Variants in CDYL observed in about 807,000 individuals in gnomAD.
CDYL encodes chromodomain Y like, also known as chromodomain Y-like protein.
In CDYL, 8 loss-of-function variants were observed where a neutral mutation model predicts 47.3. The observed-to-expected ratio is 0.17, with a 90% CI of 0.10 to 0.31. CDYL has a LOEUF of 0.31. Among genes scored for constraint, CDYL ranks in the 10% least tolerant of loss-of-function variants. The pLI, the probability that CDYL is intolerant of heterozygous loss-of-function variation, is 1.00. For missense variants in CDYL, 471 were observed against 701.4 expected (o/e 0.67, Z 3.71); for synonymous variants, 266 against 265.0 (o/e 1.00, Z -0.04).
chr6:4,745,602 A>T (rs1163285186), intron 3 of CDYL, among the ~76,000 whole-genome samples: 1 of 151,994 alleles, frequency 6.6e-6, no homozygotes, highest in African/African-American at 2.4e-5. Flanking sequence ...TAAAAAAAAA[A>T]AGTTAAATAA....
intron 1 of CDYL, among the ~76,000 whole-genome samples, chr6:4,777,439 G>GT (rs1381689992): frequency 9.9e-5 from 15 of 152,284 alleles, no homozygotes; most frequent in African/African-American, 3.1e-4. Context: ...AGCCAGAACT[G>GT]TAAGTTCTGG....
intron 1 of CDYL, among the ~76,000 whole-genome samples, chr6:4,841,141 G>A (rs185211766): frequency 7.6e-4 from 116 of 152,166 alleles, no homozygotes; most frequent in African/African-American, 2.5e-3. Flanking sequence ...TAGTCTAGGC[G>A]GGTTGTATAT....
intron 2 of CDYL, among the ~76,000 whole-genome samples, chr6:4,899,151 T>TC (rs1352807611): frequency 2.0e-5 from 3 of 152,244 alleles, no homozygotes; most frequent in African/African-American, 4.8e-5. Flanking sequence ...AAACATCAGC[T>TC]CCCCTTTTGT....
At chr6:4,726,332 C>T (rs902540498) in intron 2 of CDYL, among the ~76,000 whole-genome samples, 6 of 152,006 alleles carry the variant, frequency 3.9e-5, no homozygotes, top group Admixed American at 3.9e-4. Flanking sequence ...GTCAGGAGTT[C>T]CAGACCAGCC....
intron 2 of CDYL, among the ~76,000 whole-genome samples, chr6:4,721,321 T>C (rs551537625): frequency 3.3e-5 from 5 of 152,184 alleles, no homozygotes; most frequent in Admixed American, 2.6e-4. Flanking sequence ...ATCTTTCCAA[T>C]TTTACCCTGT....
chr6:4,946,525 TC>T (rs1456997883), intron 5 of CDYL, among the ~76,000 whole-genome samples: 2 of 151,306 alleles, frequency 1.3e-5, no homozygotes, highest in Non-Finnish European at 2.9e-5. Context: ...TCACAGGGAG[TC>T]CCCCCATGGC....
At chr6:4,738,227 A>G (rs1186402422) in intron 3 of CDYL, among the ~76,000 whole-genome samples, 1 of 151,984 alleles carries the variant, frequency 6.6e-6, no homozygotes, top group Non-Finnish European at 1.5e-5. Context: ...AGTACAATAA[A>G]TGAGCCAGGC....
chr6:4,766,003 ATAAAT>A (rs1168591769), intron 3 of CDYL, among the ~76,000 whole-genome samples: 1 of 152,220 alleles, frequency 6.6e-6, no homozygotes, highest in Non-Finnish European at 1.5e-5. Flanking sequence ...CAGAAGACTA[ATAAAT>A]TAATATACCC....
rs1385110382 is a variant in CDYL at position 4,777,030 on chromosome 6, G to T, written c.24+223G>T. Among the ~76,000 whole-genome samples the T allele has an allele frequency of 1.7e-4, 26 of 149,058 alleles. No individual in the cohort carries two copies. The South Asian group carries it at 4.2e-3, about 24-fold the overall frequency. ...AAGTTGCCGGGCGTGGGGTGGGGGG[G>T]GGGGTCCCAGCCGTGGGGAAGTGGT... is the stretch of plus-strand genomic sequence containing the variant. On this transcript the variant is annotated intron_variant, in intron 1 of 6. Coordinates refer to ENST00000397588, the MANE Select transcript of CDYL (RefSeq NM_004824.4).
chr6:4,824,874 A>AT (rs928598763), intron 1 of CDYL, among the ~76,000 whole-genome samples: 32 of 148,808 alleles, frequency 2.2e-4, no homozygotes, highest in South Asian at 4.3e-4. Context: ...AGGCTGTTGG[A>AT]TTTTTTTTTT....
chr6:4,799,067 G>A (rs1212092761), intron 1 of CDYL, among the ~76,000 whole-genome samples: 2 of 152,172 alleles, frequency 1.3e-5, no homozygotes, highest in African/African-American at 2.4e-5. Flanking sequence ...ATATAGTGCT[G>A]TACATTTACT....
intron 1 of CDYL, among the ~76,000 whole-genome samples, chr6:4,840,409 T>C (rs1218517889): frequency 6.6e-6 from 1 of 152,184 alleles, no homozygotes; most frequent in East Asian, 1.9e-4. Flanking sequence ...CTTTCTTTTG[T>C]TTGATTGCTC....
chr6:4,738,902 C>G (rs1418482911), intron 3 of CDYL, among the ~76,000 whole-genome samples: 1 of 152,228 alleles, frequency 6.6e-6, no homozygotes, highest in East Asian at 1.9e-4. Flanking sequence ...CGGCTCACGC[C>G]TGTAATCCCA....
chr6:4,770,081 C>T (rs1347221163), intron 3 of CDYL, among the ~76,000 whole-genome samples: 1 of 152,040 alleles, frequency 6.6e-6, no homozygotes, highest in South Asian at 2.1e-4. Flanking sequence ...TCGTGATCCA[C>T]CAGCCTTGGC....
At chr6:4,933,730 C>T (rs769587224) in intron 2 of CDYL, among the ~76,000 whole-genome samples, 3 of 152,184 alleles carry the variant, frequency 2.0e-5, no homozygotes, top group Non-Finnish European at 4.4e-5. Flanking sequence ...TGGTAACATC[C>T]GACCCAGTGG....
Position 4,762,860 on chromosome 6 carries a change from A to T in CDYL, c.186+28016A>T, listed in dbSNP as rs566105007. On this transcript the variant is annotated intron_variant, in intron 3 of 8. Transcript: ENST00000328908. ...AAACTCAGAAGGGAAGAAGAGACTG[A>T]GGTAGCAGCAATAATAAGAGATAAT... is the stretch of plus-strand genomic sequence containing the variant. Among the ~76,000 whole-genome samples, 93 of 152,260 alleles carry T rather than the reference A, an allele frequency of 6.1e-4. 2 individuals carry two copies. The South Asian group carries it at 0.019, about 31-fold the overall frequency.
At chr6:4,796,218 C>A (rs1293763682) in intron 1 of CDYL, among the ~76,000 whole-genome samples, 1 of 152,118 alleles carries the variant, frequency 6.6e-6, no homozygotes, top group Non-Finnish European at 1.5e-5. Context: ...CAGGTGTGAG[C>A]CACTGCGCCT....
intron 1 of CDYL, among the ~76,000 whole-genome samples, chr6:4,828,674 G>C (rs1043224067): frequency 2.6e-5 from 4 of 152,066 alleles, no homozygotes; most frequent in African/African-American, 9.7e-5. Flanking sequence ...GATTTAGGAA[G>C]CTTTGTCCAT....
At chr6:4,933,938 G>A (rs1000913535) in intron 2 of CDYL, among the ~76,000 whole-genome samples, 8 of 152,206 alleles carry the variant, frequency 5.3e-5, no homozygotes, top group Admixed American at 2.6e-4. Context: ...CGCCTGCCAC[G>A]CAGCCTTAGG....
Sources: allele counts gnomAD v4.1 joint callset (sites outside exome capture counted in the v4.1 genomes callset), GRCh38; gene constraint gnomAD v4.1.1; transcripts MANE v1.5; gene names NCBI Gene and HGNC (gene_info 2026-07-23, HGNC 2026-07-21).